The following DMD variants were observed in gnomAD, a reference collection of about 807,000 sequenced individuals.
DMD encodes dystrophin, also known as mutant dystrophin.
Under a neutral mutation model 330.1 loss-of-function variants are expected in DMD, and 63 were observed. The ratio of observed to expected loss-of-function variants is 0.19; its 90% CI spans 0.16 to 0.24. DMD has a LOEUF of 0.24. Ranked by LOEUF, DMD falls within the 10% of genes least tolerant of loss-of-function variation. The probability of loss-of-function intolerance (pLI) is 1.00; values close to 1 mark genes in which losing one functional copy is unlikely to be tolerated. For missense variants in DMD, 3,344 were observed against 2,684.1 expected, an observed-to-expected ratio of 1.25 and a Z score of -5.43; for synonymous variants, 1,223 against 959.8, an observed-to-expected ratio of 1.27 and a Z score of -5.07.
chrX:31,795,986 T>C (rs60123382), intron 50 of DMD, among the ~76,000 whole-genome samples: 1,911 of 111,688 alleles, frequency 0.017, 46 homozygotes, highest in African/African-American at 0.059. Context: ...TATTACTTGA[T>C]TTTTCAAGAG....
At position 31,658,084 on chromosome X, in the gene DMD, G is replaced by T; in HGVS notation, c.7933C>A (p.Leu2645Met). ...TNVDVANDLA[L>M]KLLRDYSADD... ...GCAGAATAATCCCGGAGAAGTTTCA[G>T]GGCCAAGTCATTTGCCACATCTACA... The change falls in exon 54 of 79, where the codon CTG (leucine) becomes ATG (methionine). Residue 2645 changes from leucine (L) to methionine (M), a missense_variant. By Grantham distance (15) the Leu-to-Met change is conservative. Transcript: ENST00000357033. The T allele has an allele frequency of 8.3e-7, 1 of 1,211,774 alleles. No homozygotes were observed. Among genetic ancestry groups the T allele is most frequent in the South Asian group, 1.8e-5 (1 of 57,017 alleles).
chrX:32,353,137 C>G (rs2097787396), intron 37 of DMD, among the ~76,000 whole-genome samples: 1 of 110,626 alleles, frequency 9.0e-6, no homozygotes, highest in African/African-American at 3.3e-5. Flanking sequence ...AAGATAGCAC[C>G]AGCCATTTGA....
chrX:33,139,640 CT>C (rs2047687344), intron 1 of DMD, among the ~76,000 whole-genome samples: 2 of 108,853 alleles, frequency 1.8e-5, no homozygotes, highest in Admixed American at 9.9e-5. Context: ...ACACCTCCCA[CT>C]CTCTCTCTCA....
intron 1 of DMD, among the ~76,000 whole-genome samples, chrX:33,059,855 T>C (rs1015118406): frequency 8.9e-6 from 1 of 111,918 alleles, no homozygotes; most frequent in East Asian, 2.8e-4. Flanking sequence ...TTTCATATTT[T>C]TATAACAAAA....
At chrX:31,587,833 T>C (rs981328422) in intron 55 of DMD, among the ~76,000 whole-genome samples, 1 of 112,000 alleles carries the variant, frequency 8.9e-6, no homozygotes, top group African/African-American at 3.2e-5. Context: ...CTTAATATTC[T>C]ATCCTGAATT....
chrX:32,344,014 A>G (rs1002935007), intron 39 of DMD, among the ~76,000 whole-genome samples: 1 of 112,138 alleles, frequency 8.9e-6, no homozygotes, highest in Non-Finnish European at 1.9e-5. Context: ...AAAAAAGAAA[A>G]CAGCAAGTGC....
chrX:31,343,460 C>T (rs1404422825), intron 61 of DMD, among the ~76,000 whole-genome samples: 1 of 111,290 alleles, frequency 9.0e-6, no homozygotes, highest in African/African-American at 3.3e-5. Flanking sequence ...ATTTCTTTAA[C>T]ATGTAGAGAT....
intron 1 of DMD, among the ~76,000 whole-genome samples, chrX:33,026,344 A>AAAAAAAAAG (rs2094003214): frequency 1.0e-5 from 1 of 98,842 alleles, no homozygotes; most frequent in African/African-American, 3.8e-5. Flanking sequence ...AAAAAAAAAA[A>AAAAAAAAAG]AAAGAAAGAA....
intron 7 of DMD, among the ~76,000 whole-genome samples, chrX:32,802,548 T>C (rs1414782536): frequency 8.9e-6 from 1 of 111,874 alleles, no homozygotes; most frequent in South Asian, 3.7e-4. Context: ...ATTTTTGTCT[T>C]GTGCCAGTTT....
rs776660039 is a variant in DMD, at chrX:31,478,290, A to C, written c.8753T>G (p.Leu2918Trp). Reference sequence around the variant, plus strand: ...CTGCCAGTCAGCGGAGTGCAGGTTCAATTTTTCCCACTCAGTATTGACCTC... The same window carrying C: ...CTGCCAGTCAGCGGAGTGCAGGTTCCATTTTTCCCACTCAGTATTGACCTC... ...AEEVNTEWEKLNLHSADWQRK... is the reference protein window; with the variant it reads ...AEEVNTEWEKWNLHSADWQRK... The change falls in exon 59 of 79, where the codon TTG (leucine) becomes TGG (tryptophan). Residue 2918 changes from leucine (L) to tryptophan (W), a missense_variant. Coordinates refer to ENST00000357033, the MANE Select transcript of DMD (RefSeq NM_004006.3). 1 of 1,211,461 alleles carries C rather than the reference A, an allele frequency of 8.3e-7. No homozygotes were observed. Among genetic ancestry groups the C allele is most frequent in the Admixed American group, 2.2e-5 (1 of 45,972 alleles).
chrX:33,179,562 C>T (rs905572414), intron 1 of DMD, among the ~76,000 whole-genome samples: 22 of 108,290 alleles, frequency 2.0e-4, no homozygotes, highest in Non-Finnish European at 2.7e-4. Flanking sequence ...GGCGTGGTGG[C>T]GGGCGCCTGT....
chrX:31,559,596 G>C (rs1276917391), intron 55 of DMD, among the ~76,000 whole-genome samples: 4 of 61,341 alleles, frequency 6.5e-5, no homozygotes, highest in Admixed American at 2.2e-4. Flanking sequence ...AGTCGAGATC[G>C]CGCCACTGCA....
chrX:32,860,431 C>G (rs1469442990), intron 2 of DMD, among the ~76,000 whole-genome samples: 1 of 111,755 alleles, frequency 8.9e-6, no homozygotes, highest in African/African-American at 3.3e-5. Context: ...AATTACAAAT[C>G]CCTAGACATT....
At chrX:33,255,029 A>T (rs1416658365) in intron 1 of DMD, among the ~76,000 whole-genome samples, 1 of 110,966 alleles carries the variant, frequency 9.0e-6, no homozygotes, top group South Asian at 3.7e-4. Context: ...ACTTTTGAAT[A>T]TCTATTATAT....
intron 61 of DMD, among the ~76,000 whole-genome samples, chrX:31,346,925 C>T (rs374615311): frequency 4.2e-5 from 4 of 94,753 alleles, no homozygotes; most frequent in African/African-American, 7.9e-5. Flanking sequence ...AGTTTGAACC[C>T]GGGAGGCGGA....
chrX:32,465,582 G>GTTTT (rs1191063866), intron 23 of DMD, among the ~76,000 whole-genome samples: 42 of 76,644 alleles, frequency 5.5e-4, no homozygotes, highest in South Asian at 6.6e-4. Flanking sequence ...TTTGTTTTTT[G>GTTTT]TTTTTTTTTT....
At chrX:32,412,128 T>C in intron 29 of DMD, 1 of 1,154,776 alleles carries the variant, frequency 8.7e-7, no homozygotes, top group South Asian at 1.9e-5. Context: ...GGATCAGGGA[T>C]CTCTGCATGA....
rs760297057 is a variant in DMD, at chrX:32,835,912, G to C, written c.264+8871C>G. 7.2e-5 allele frequency among the ~76,000 whole-genome samples: 8 copies of C among 111,062 alleles called. No homozygotes were observed. The East Asian group carries it at 2.0e-3, about 28-fold the overall frequency. The stretch of plus-strand genomic sequence containing the variant: ...AAAATCAGAGGGCTAAATTTTGAGT[G>C]ATTTTTTTAAACCAGGGTTTCTTTT... On this transcript the variant is annotated intron_variant, in intron 4 of 78. Transcript: ENST00000357033.
chrX:33,233,932 A>G (rs1332111516), intron 1 of DMD, among the ~76,000 whole-genome samples: 1 of 112,500 alleles, frequency 8.9e-6, no homozygotes. Context: ...GATATTTCAC[A>G]TAGGATCTTT....
Sources: gnomAD v4.1 joint callset for allele counts (sites outside exome capture counted in the v4.1 genomes callset) on GRCh38, gnomAD v4.1.1 for gene constraint, MANE v1.5 for transcripts, NCBI Gene and HGNC (gene_info 2026-07-23, HGNC 2026-07-21) for gene names.